ANKRD28: variants seen among roughly 807,000 people sequenced by gnomAD.
ANKRD28 encodes the protein serine/threonine-protein phosphatase 6 regulatory ankyrin repeat subunit A.
A neutral mutation model predicts 126.5 loss-of-function variants in ANKRD28; 44 were observed. The observed-to-expected ratio is 0.35, with a 90% CI of 0.27 to 0.45. ANKRD28 has a LOEUF of 0.45. ANKRD28 is among the 20% of genes least tolerant of loss of function. The pLI, the probability that ANKRD28 is intolerant of heterozygous loss-of-function variation, is 1.00. For missense variants in ANKRD28, 1,110 were observed against 1,316.6 expected (o/e 0.84, Z 2.43); for synonymous variants, 442 against 468.5 (o/e 0.94, Z 0.73).
rs2072869661 is a variant in ANKRD28, at chr3:15,715,281, T to C, written c.997-625A>G. 2.0e-5 allele frequency among the ~76,000 whole-genome samples: 3 copies of C among 152,300 alleles called. No homozygotes were observed. The South Asian group carries it at 6.2e-4, about 32-fold the overall frequency. On this transcript the variant is annotated intron_variant, in intron 8 of 27. Coordinates refer to ENST00000683139, the MANE Select transcript of ANKRD28 (RefSeq NM_001349278.2). ...ATCTTTCAGTTAACCAAAACATACA[T>C]GTTACCAACGCAAAGGAAATAAACT...
intron 11 of ANKRD28, among the ~76,000 whole-genome samples, chr3:15,711,722 T>A (rs948425254): frequency 2.3e-4 from 35 of 152,054 alleles, no homozygotes; most frequent in Admixed American, 1.8e-3. Flanking sequence ...AGTCTCGCTC[T>A]GTCTCCTAGG....
chr3:15,740,688 A>G (rs147038801), intron 4 of ANKRD28, among the ~76,000 whole-genome samples: 26 of 152,366 alleles, frequency 1.7e-4, no homozygotes, highest in Non-Finnish European at 2.6e-4. Flanking sequence ...AAGCTTCTGG[A>G]AAGTTTGGGA....
chr3:15,673,153 G>A (rs1012895487), intron 27 of ANKRD28, among the ~76,000 whole-genome samples: 6 of 152,282 alleles, frequency 3.9e-5, no homozygotes, highest in African/African-American at 1.4e-4. Flanking sequence ...TTGGATTTTG[G>A]CTTAGCAGTT....
chr3:15,789,299 G>A (rs894272988), intron 2 of ANKRD28, among the ~76,000 whole-genome samples: 28 of 152,060 alleles, frequency 1.8e-4, no homozygotes, highest in African/African-American at 5.3e-4. Flanking sequence ...TGAACCAGGT[G>A]ATGAACCAAG....
upstream of ANKRD28, among the ~76,000 whole-genome samples, chr3:15,801,616 G>C (rs543957669): frequency 2.1e-3 from 322 of 151,988 alleles, 1 homozygote; most frequent in Middle Eastern, 3.4e-3. The surrounding 1 kb of genome is among the most constrained non-coding windows in gnomAD (Gnocchi z 4.9). Context: ...ATATACTTTA[G>C]GAAAAAAAAG....
chr3:15,688,979 T>C (rs753930024), intron 18 of ANKRD28, among the ~76,000 whole-genome samples: 2 of 152,216 alleles, frequency 1.3e-5, no homozygotes, highest in Non-Finnish European at 2.9e-5. Flanking sequence ...AAGAAATAAA[T>C]ACTGCATTGT....
chr3:15,791,942 G>A (rs902853697), intron 2 of ANKRD28, among the ~76,000 whole-genome samples: 13 of 152,148 alleles, frequency 8.5e-5, no homozygotes, highest in African/African-American at 3.1e-4. Flanking sequence ...CAAAAGATCT[G>A]AATAGACATT....
intron 1 of ANKRD28, among the ~76,000 whole-genome samples, chr3:15,852,832 CAA>C (rs71064237): frequency 3.6e-4 from 23 of 63,998 alleles, no homozygotes; most frequent in African/African-American, 1.0e-3. Context: ...GACTCTGTCT[CAA>C]AAAAAAAAAA....
chr3:15,711,074 C>CT (rs900516624), intron 12 of ANKRD28, 137 bp downstream of exon 12: 83 of 690,630 alleles, frequency 1.2e-4, no homozygotes, highest in African/African-American at 3.9e-4. Flanking sequence ...CCACCCTGGA[C>CT]TTTTTTTTCC....
At chr3:15,719,406 G>A (rs2073447260) in intron 8 of ANKRD28, among the ~76,000 whole-genome samples, 1 of 152,018 alleles carries the variant, frequency 6.6e-6, no homozygotes, top group South Asian at 2.1e-4. Context: ...GATACAGTTT[G>A]GCAAGTGCTC....
At chr3:15,811,558 G>A (rs1453905128) in intron 1 of ANKRD28, among the ~76,000 whole-genome samples, 4 of 151,988 alleles carry the variant, frequency 2.6e-5, no homozygotes, top group Non-Finnish European at 4.4e-5. Flanking sequence ...GGGTTCAAGC[G>A]ATTCTCCTGC....
intron 14 of ANKRD28, among the ~76,000 whole-genome samples, chr3:15,704,303 G>T (rs1253149601): frequency 6.6e-6 from 1 of 151,816 alleles, no homozygotes; most frequent in Admixed American, 6.6e-5. Context: ...AATGAGTCAC[G>T]GAAGATTTCA....
intron 1 of ANKRD28, among the ~76,000 whole-genome samples, chr3:15,807,811 A>G (rs796368718): frequency 3.3e-5 from 5 of 152,322 alleles, no homozygotes; most frequent in African/African-American, 9.6e-5. Flanking sequence ...AGTTTTAGAG[A>G]TAAGCTAAAT....
At chr3:15,682,885 C>A (rs145603726) in intron 21 of ANKRD28, among the ~76,000 whole-genome samples, 3 of 152,318 alleles carry the variant, frequency 2.0e-5, no homozygotes, top group African/African-American at 7.2e-5. Flanking sequence ...TCAAATTCAG[C>A]ATCACCACAA....
At chr3:15,731,874 A>AAAG (rs1553610861) in intron 6 of ANKRD28, 16 of 59,086 alleles carry the variant, frequency 2.7e-4, no homozygotes, top group East Asian at 5.4e-4. Flanking sequence ...AAAAAAAAAA[A>AAAG]GGGGGGGGGG....
rs2071704618 is a variant in ANKRD28 at position 15,708,091 on chromosome 3, A to G, written c.1407-27T>C. 5 of 1,578,968 alleles carry G rather than the reference A, an allele frequency of 3.2e-6. No homozygotes were observed. The South Asian group carries it at 5.8e-5, about 18-fold the overall frequency. ...TTTTGGGTCCAAGTTAATACAAGAA[A>G]GATAAAAGCCAGAGACATAACTAGT... On this transcript the variant is annotated intron_variant, in intron 13 of 27. Transcript: ENST00000683139.
At chr3:15,827,344 T>C (rs2061089589) in intron 1 of ANKRD28, among the ~76,000 whole-genome samples, 1 of 152,048 alleles carries the variant, frequency 6.6e-6, no homozygotes, top group African/African-American at 2.4e-5. Flanking sequence ...TTATTCAAAA[T>C]AGCCAAAACA....
intron 1 of ANKRD28, among the ~76,000 whole-genome samples, chr3:15,855,838 C>T (rs894769689): frequency 1.3e-5 from 2 of 152,218 alleles, no homozygotes; most frequent in East Asian, 1.9e-4. Flanking sequence ...AAAAATATTT[C>T]GGAAGTGGAT....
chr3:15,805,910 A>G (rs1251982059), intron 1 of ANKRD28, among the ~76,000 whole-genome samples: 1 of 152,108 alleles, frequency 6.6e-6, no homozygotes, highest in Non-Finnish European at 1.5e-5. Flanking sequence ...AACAAACTGA[A>G]CCCAACTGCA....
Sources: gnomAD v4.1 joint callset for allele counts (sites outside exome capture counted in the v4.1 genomes callset) on GRCh38, gnomAD v4.1.1 for gene constraint, Gnocchi (gnomAD v3.1) non-coding constraint, MANE v1.5 for transcripts, NCBI Gene and HGNC (gene_info 2026-07-23, HGNC 2026-07-21) for gene names.